Variants in PRDM16 observed in about 807,000 individuals in gnomAD.
The protein encoded by PRDM16 is PR/SET domain 16, also known as histone-lysine N-methyltransferase PRDM16.
Under a neutral mutation model 110.6 loss-of-function variants are expected in PRDM16, and 23 were observed. The observed-to-expected ratio is 0.21, with a 90% CI of 0.15 to 0.29. The LOEUF is 0.29. Among genes scored for constraint, PRDM16 ranks in the 10% least tolerant of loss-of-function variants. The pLI is 1.00. For missense variants in PRDM16, 1,615 were observed against 1,794.3 expected (o/e 0.90, Z 1.81); for synonymous variants, 799 against 781.8 (o/e 1.02, Z -0.37).
chr1:3,207,485 C>T (rs1318763818), intron 2 of PRDM16: 1 of 152,292 alleles, frequency 6.6e-6, no homozygotes, highest in Non-Finnish European at 1.5e-5. Context: ...AGACAATGCT[C>T]TTTGGAGCTG....
Position 3,385,353 on chromosome 1 carries a change from T to A in PRDM16, c.573+67T>A, listed in dbSNP as rs1455087252. The A allele has an allele frequency of 5.8e-6, 9 of 1,557,094 alleles. No homozygotes were observed. The East Asian group carries it at 2.0e-4, about 35-fold the overall frequency. ...TGTCCCTGAGGATGTGGCACCAAGA[T>A]TGGTGGAGGTGCCGAGGCAAGGGTT... On this transcript the variant is annotated intron_variant, in intron 4 of 16. Coordinates refer to ENST00000270722, the MANE Select transcript of PRDM16 (RefSeq NM_022114.4).
In PRDM16 at chr1:3,433,514, G is replaced by A. The variant is rs574578915; in HGVS notation, c.3697-163G>A. Among the ~76,000 whole-genome samples the A allele has an allele frequency of 9.2e-5, 13 of 141,726 alleles. 1 individual carries two copies. In the East Asian group the frequency reaches 1.9e-3, roughly 21 times the overall value. The allele number at this position is 141,726 out of a possible 152,430, so 93.0% of individuals were successfully genotyped here. On this transcript the variant is annotated intron_variant, in intron 16 of 16. Transcript: ENST00000270722. ...GTCTGGGATGGCCCGCCCTGCCCAC[G>A]CGCTCACCTGCCTGTCTGGGATGGC...
chr1:3,409,030 T>G (rs1178092986), intron 8 of PRDM16, among the ~76,000 whole-genome samples: 4 of 150,334 alleles, frequency 2.7e-5, no homozygotes, highest in Non-Finnish European at 1.5e-5. Flanking sequence ...TCAGTGTGTG[T>G]GAGTGTGGGC....
rs116022277 is a variant in PRDM16, at chr1:3,423,015, T to C, written c.2940-2566T>C. Among the ~76,000 whole-genome samples the C allele has an allele frequency of 4.1e-3, 629 of 152,356 alleles. 2 individuals carry two copies. Among genetic ancestry groups the C allele is most frequent in the African/African-American group, 0.015 (609 of 41,588 alleles). ...GCTCAGGGACTTCGATCACCAATGC[T>C]TCTTTTCCTGTCTACTGTTGAAGAG... On this transcript the variant is annotated intron_variant, in intron 12 of 16. Coordinates refer to ENST00000270722, the MANE Select transcript of PRDM16 (RefSeq NM_022114.4).
chr1:3,069,413 C>A lies in PRDM16; in HGVS notation c.37+117C>A, dbSNP rs1641686239. 1 of 163,252 alleles carries A rather than the reference C, an allele frequency of 6.1e-6. No homozygotes were observed. Among genetic ancestry groups the A allele is most frequent in the Non-Finnish European group, 1.2e-5 (1 of 83,432 alleles). 10.1% of individuals were successfully genotyped at this position (163,252 alleles called of 1,614,324 possible). A position where few individuals can be genotyped will look rare whatever the true frequency, so the allele number is the denominator to read the frequency against. ...CGGCGCGCCTGCGGCTCCGGGCCCC[C>A]GGCTCGGCCGCGCGGCCCGGGGGGC... On this transcript the variant is annotated intron_variant, in intron 1 of 16. Coordinates refer to ENST00000270722, the MANE Select transcript of PRDM16 (RefSeq NM_022114.4). The surrounding 1 kb of genome is among the most constrained non-coding windows in gnomAD (Gnocchi z 6.1).
chr1:3,397,588 C>G (rs542749911), intron 5 of PRDM16, among the ~76,000 whole-genome samples: 1 of 152,270 alleles, frequency 6.6e-6, no homozygotes, highest in Non-Finnish European at 1.5e-5. Context: ...TCGAGCCTAA[C>G]TGCTTTACTT....
intron 1 of PRDM16, among the ~76,000 whole-genome samples, chr1:3,158,973 T>C (rs1643878763): frequency 6.6e-6 from 1 of 152,198 alleles, no homozygotes. Context: ...GTTTCCCCCA[T>C]GTTGGCCAGG....
intron 4 of PRDM16, among the ~76,000 whole-genome samples, chr1:3,394,754 T>C (rs970106334): frequency 2.6e-5 from 4 of 152,234 alleles, no homozygotes; most frequent in Non-Finnish European, 4.4e-5. Context: ...TTGTCCCAGC[T>C]GGCGCTTCTC....
At position 3,437,220 on chromosome 1, in the gene PRDM16, T is replaced by C. The variant is rs1638932270; in HGVS notation, c.*3409T>C. The C allele has an allele frequency of 4.3e-6, 1 of 232,442 alleles. No individual in the cohort carries two copies. The highest frequency in any genetic ancestry group is 8.5e-6 in the Non-Finnish European group (1 of 117,664). 14.4% of individuals were successfully genotyped at this position (232,442 alleles called of 1,614,324 possible). A position where few individuals can be genotyped will look rare whatever the true frequency, so the allele number is the denominator to read the frequency against. On this transcript the variant is annotated 3_prime_UTR_variant, in exon 17 of 17. Transcript: ENST00000270722. ...AGGCCTTCCTTTACAAGGCCACGCGTGCAGCTGTCCCATCCAGACCCCGAC... is the reference window on the plus strand; with the variant it reads ...AGGCCTTCCTTTACAAGGCCACGCGCGCAGCTGTCCCATCCAGACCCCGAC...
chr1:3,249,507 T>C (rs1006235813), intron 3 of PRDM16, among the ~76,000 whole-genome samples: 1 of 151,566 alleles, frequency 6.6e-6, no homozygotes, highest in Non-Finnish European at 1.5e-5. Context: ...GTGCCGTCAC[T>C]AAACTGCAGT....
chr1:3,366,332 A>G (rs1267102435), intron 3 of PRDM16, among the ~76,000 whole-genome samples: 1 of 152,248 alleles, frequency 6.6e-6, no homozygotes, highest in Non-Finnish European at 1.5e-5. Flanking sequence ...CCTGACGGGA[A>G]GGCACGCACT....
chr1:3,181,906 A>G (rs986264449), intron 1 of PRDM16, among the ~76,000 whole-genome samples: 11 of 105,844 alleles, frequency 1.0e-4, no homozygotes, highest in African/African-American at 1.6e-4. Flanking sequence ...ACACGGTCTT[A>G]CACACGCAGT....
At chr1:3,310,963 G>C (rs1014844773) in intron 3 of PRDM16, among the ~76,000 whole-genome samples, 1 of 152,030 alleles carries the variant, frequency 6.6e-6, no homozygotes, top group African/African-American at 2.4e-5. Flanking sequence ...ACGTGTGGGT[G>C]TGTGTAGGCA....
At position 3,206,504 on chromosome 1, in the gene PRDM16, G is replaced by A. The variant is rs549078003; in HGVS notation, c.387+20030G>A. The A allele has an allele frequency of 1.3e-5, 2 of 152,346 alleles. No homozygotes were observed. Among genetic ancestry groups the A allele is most frequent in the African/African-American group, 4.8e-5 (2 of 41,570 alleles). The allele number at this position is 152,346 out of a possible 1,614,324, so 9.4% of individuals were successfully genotyped here. A position where few individuals can be genotyped will look rare whatever the true frequency, so the allele number is the denominator to read the frequency against. Reference sequence around the variant, plus strand: ...ACACGCCTTCACGCATCCTCAGAAAGTGATGTTGCTGAGTGAATAGAAGGT... The same window carrying A: ...ACACGCCTTCACGCATCCTCAGAAAATGATGTTGCTGAGTGAATAGAAGGT... On this transcript the variant is annotated intron_variant, in intron 2 of 16. Coordinates refer to ENST00000270722, the MANE Select transcript of PRDM16 (RefSeq NM_022114.4). The surrounding 1 kb of genome is among the most constrained non-coding windows in gnomAD (Gnocchi z 4.9).
At chr1:3,131,477 C>T (rs1405619902) in intron 1 of PRDM16, among the ~76,000 whole-genome samples, 1 of 152,026 alleles carries the variant, frequency 6.6e-6, no homozygotes, top group Non-Finnish European at 1.5e-5. Flanking sequence ...AGAGCTGTGA[C>T]CCATTTCTTG....
rs1381725633 is a variant in PRDM16 at position 3,404,704 on chromosome 1, G to T, written c.885-35G>T. 3 of 1,610,036 alleles carry T rather than the reference G, an allele frequency of 1.9e-6. No individual in the cohort carries two copies. In the Admixed American group the frequency reaches 5.1e-5, roughly 27 times the overall value. ...TCCCCTCCCGGGCAGAGGGCAGGTA[G>T]TCGGGCCCCGCAGTGAGCCTCGTCC... On this transcript the variant is annotated intron_variant, in intron 6 of 16. Coordinates refer to ENST00000270722, the MANE Select transcript of PRDM16 (RefSeq NM_022114.4).
At chr1:3,127,757 G>T in intron 1 of PRDM16, among the ~76,000 whole-genome samples, 1 of 152,270 alleles carries the variant, frequency 6.6e-6, no homozygotes, top group East Asian at 1.9e-4. Context: ...GGTTTGCCTA[G>T]GGTGAGTGTG....
intron 1 of PRDM16, among the ~76,000 whole-genome samples, chr1:3,111,437 G>A (rs906917605): frequency 3.8e-4 from 12 of 31,516 alleles, no homozygotes; most frequent in Admixed American, 3.2e-3. Context: ...CCAGGCACCT[G>A]TGTGGACCCA....
chr1:3,108,896 T>C (rs1287786811), intron 1 of PRDM16, among the ~76,000 whole-genome samples: 1 of 131,378 alleles, frequency 7.6e-6, no homozygotes, highest in African/African-American at 2.8e-5. Flanking sequence ...TGAAACCCTG[T>C]CTCTACTAAA....
Sources: allele counts gnomAD v4.1 joint callset (sites outside exome capture counted in the v4.1 genomes callset), GRCh38; gene constraint gnomAD v4.1.1; non-coding constraint Gnocchi (gnomAD v3.1); transcripts MANE v1.5; gene names NCBI Gene and HGNC (gene_info 2026-07-23, HGNC 2026-07-21).